ABCG8: variants seen among roughly 807,000 people sequenced by gnomAD.
The protein encoded by ABCG8 is ATP-binding cassette sub-family G member 8.
ABCG8 carries 81 observed loss-of-function variants against 71.3 expected under a neutral mutation model. The ratio of observed to expected loss-of-function variants is 1.14; its 90% confidence interval spans 0.95 to 1.37. The LOEUF is 1.37. ABCG8 is among the 40% of genes most tolerant of loss of function. ABCG8 has a pLI of 0.00. For synonymous variants in ABCG8, 451 were observed against 354.7 expected (o/e 1.27, Z -3.05); for missense variants, 1,119 against 866.2 (o/e 1.29, Z -3.66).
Position 43,875,681 on chromosome 2 carries a change from T to A in ABCG8, c.1756+268T>A, listed in dbSNP as rs538613695. On this transcript the variant is annotated intron_variant, in intron 11 of 12. Coordinates refer to ENST00000272286, the MANE Select transcript of ABCG8 (RefSeq NM_022437.3). The stretch of plus-strand genomic sequence containing the variant: ...TCTCCACATCCACCTGTGAGCCAGG[T>A]CGATTCTGCCTCCTGTTTCTCTGAA... Among the ~76,000 whole-genome samples the A allele has an allele frequency of 3.9e-5, 6 of 152,252 alleles. 1 individual carries two copies. In the South Asian group the frequency reaches 1.2e-3, roughly 32 times the overall value.
At chr2:43,852,276 C>A in intron 4 of ABCG8, 78 bp from the exon 5 acceptor site, 1 of 1,605,838 alleles carries the variant, frequency 6.2e-7, no homozygotes, top group South Asian at 1.1e-5. Flanking sequence ...GAGCGGGCGC[C>A]TTTATCCTTG....
chr2:43,874,028 A>G, intron 9 of ABCG8, 42 bp downstream of exon 9: 1 of 1,604,246 alleles, frequency 6.2e-7, no homozygotes, highest in Non-Finnish European at 8.5e-7. Context: ...GACCTCAGCC[A>G]CCTCCAAGCT....
chr2:43,840,068 A>G (rs1372005279), intron 1 of ABCG8, among the ~76,000 whole-genome samples: 1 of 152,222 alleles, frequency 6.6e-6, no homozygotes, highest in Non-Finnish European at 1.5e-5. Context: ...CTGGAAGACA[A>G]GCGAGAAGCA....
At chr2:43,868,941 C>T (rs1379644297) in intron 6 of ABCG8, among the ~76,000 whole-genome samples, 4 of 152,070 alleles carry the variant, frequency 2.6e-5, no homozygotes, top group African/African-American at 9.7e-5. Flanking sequence ...CTGTCACTAT[C>T]TGGATAGAAT....
chr2:43,881,795 T>G lies in ABCG8; in HGVS notation c.*3882T>G, dbSNP rs1177098219. 1 of 152,052 alleles carries G rather than the reference T, an allele frequency of 6.6e-6. No homozygotes were observed. Among genetic ancestry groups the G allele is most frequent in the Non-Finnish European group, 1.5e-5 (1 of 68,016 alleles). The allele number at this position is 152,052 out of a possible 1,614,324, so 9.4% of individuals were successfully genotyped here. A position where few individuals can be genotyped will look rare whatever the true frequency, so the allele number is the denominator to read the frequency against. On this transcript the variant is annotated 3_prime_UTR_variant, in exon 13 of 13. Coordinates refer to ENST00000272286, the MANE Select transcript of ABCG8 (RefSeq NM_022437.3). ...TGCATTGCGAAAGGGTAGAGATTTGTTTATTTGTCAGTATTGAAAGCATGG... is the reference window on the plus strand; with the variant it reads ...TGCATTGCGAAAGGGTAGAGATTTGGTTATTTGTCAGTATTGAAAGCATGG...
intron 4 of ABCG8, 50 bp from the exon 5 acceptor site, chr2:43,852,304 G>T: frequency 6.2e-7 from 1 of 1,611,286 alleles, no homozygotes; most frequent in Non-Finnish European, 8.5e-7. Context: ...AATGTGTCCA[G>T]CCCTGAAGGA....
At chr2:43,867,473 A>G (rs1387067076) in intron 6 of ABCG8, among the ~76,000 whole-genome samples, 1 of 151,934 alleles carries the variant, frequency 6.6e-6, no homozygotes, top group Non-Finnish European at 1.5e-5. Context: ...AACTCTCACT[A>G]TCTAGATAGA....
intron 3 of ABCG8, among the ~76,000 whole-genome samples, chr2:43,850,733 C>T (rs1328711674): frequency 1.3e-5 from 2 of 151,986 alleles, no homozygotes; most frequent in Non-Finnish European, 2.9e-5. Flanking sequence ...GCCAACATGG[C>T]GAAACCCTGT....
intron 3 of ABCG8, among the ~76,000 whole-genome samples, chr2:43,849,735 C>G (rs766120668): frequency 7.9e-5 from 12 of 152,158 alleles, no homozygotes; most frequent in Non-Finnish European, 1.8e-4. Flanking sequence ...GAGCCTGGCT[C>G]TGAAGCTTCT....
intron 6 of ABCG8, among the ~76,000 whole-genome samples, chr2:43,870,390 A>C: frequency 6.6e-6 from 1 of 151,910 alleles, no homozygotes; most frequent in African/African-American, 2.4e-5. Flanking sequence ...TGTTGATGGA[A>C]TTCTCAGGCT....
chr2:43,842,825 T>C (rs1668622730), intron 1 of ABCG8, among the ~76,000 whole-genome samples: 1 of 152,072 alleles, frequency 6.6e-6, no homozygotes, highest in Admixed American at 6.6e-5. Context: ...AATTCAAACA[T>C]TAAGCAATGG....
chr2:43,855,224 T>C (rs887632232), intron 6 of ABCG8, among the ~76,000 whole-genome samples: 6 of 151,958 alleles, frequency 3.9e-5, no homozygotes, highest in African/African-American at 1.2e-4. Flanking sequence ...CTCAATACAA[T>C]TCTCACCATC....
intron 3 of ABCG8, 150 bp from the exon 4 acceptor site, chr2:43,851,434 G>A (rs527537484): frequency 3.5e-6 from 3 of 859,512 alleles, no homozygotes; most frequent in South Asian, 3.0e-5. Context: ...ACCCCATCTA[G>A]GTCCAGGGAC....
chr2:43,877,613 G>A lies in ABCG8; in HGVS notation c.1809G>A (p.Leu603=), dbSNP rs1234309916. The A allele has an allele frequency of 6.2e-7, 1 of 1,614,024 alleles. No individual in the cohort carries two copies. The highest frequency in any genetic ancestry group is 1.3e-5 in the African/African-American group (1 of 74,898). Residue 603 remains leucine (L), a synonymous_variant, in exon 12 of 13, where the codon CTG becomes CTA. Coordinates refer to ENST00000272286, the MANE Select transcript of ABCG8 (RefSeq NM_022437.3). The stretch of plus-strand genomic sequence containing the variant: ...TCCTGCGGTGGTGTTTTGAAGGGCT[G>A]ATGAAGATTCAGTTCAGCAGAAGAA... ...VSFLRWCFEG[L]MKIQFSRRTY...
chr2:43,846,041 G>C, intron 2 of ABCG8, 114 bp from the exon 3 acceptor site: 1 of 1,107,614 alleles, frequency 9.0e-7, no homozygotes, highest in Middle Eastern at 2.9e-4. Context: ...GTGTAGGTGA[G>C]GACATATCCT....
chr2:43,851,441 G>A, intron 3 of ABCG8, 143 bp from the exon 4 acceptor site: 1 of 918,014 alleles, frequency 1.1e-6, no homozygotes, highest in Non-Finnish European at 1.7e-6. Flanking sequence ...CTAGGTCCAG[G>A]GACTATGCCA....
Position 43,881,377 on chromosome 2 carries a change from TA to T in ABCG8, c.*3468del, listed in dbSNP as rs1360361749. On this transcript the variant is annotated 3_prime_UTR_variant, in exon 13 of 13. Coordinates refer to ENST00000272286, the MANE Select transcript of ABCG8 (RefSeq NM_022437.3). ...TCTGATCCCATGGGTCTGTTTTGTT[TA>T]AAATGCTCTTCAAGGCATTGTGAGG... The T allele has an allele frequency of 6.6e-6, 1 of 152,196 alleles. No individual in the cohort carries two copies. The highest frequency in any genetic ancestry group is 1.5e-5 in the Non-Finnish European group (1 of 68,058). 9.4% of individuals were successfully genotyped at this position (152,196 alleles called of 1,614,324 possible).
intron 1 of ABCG8, among the ~76,000 whole-genome samples, chr2:43,840,709 T>TG (rs528098710): frequency 1.3e-5 from 2 of 152,204 alleles, no homozygotes; most frequent in African/African-American, 2.4e-5. Flanking sequence ...TAAGGCAACT[T>TG]GGCTAGAATG....
At chr2:43,869,182 G>C (rs922475419) in intron 6 of ABCG8, among the ~76,000 whole-genome samples, 1 of 148,022 alleles carries the variant, frequency 6.8e-6, no homozygotes, top group Non-Finnish European at 1.5e-5. Flanking sequence ...ACTGTGGGTA[G>C]AATTCTCACT....
Sources: allele counts gnomAD v4.1 joint callset (sites outside exome capture counted in the v4.1 genomes callset), GRCh38; gene constraint gnomAD v4.1.1; transcripts MANE v1.5; gene names NCBI Gene and HGNC (gene_info 2026-07-23, HGNC 2026-07-21).